MAPK9: variants seen among roughly 807,000 people sequenced by gnomAD.
MAPK9 encodes the protein mitogen-activated protein kinase 9, also known as Jun kinase.
MAPK9 carries 30 observed loss-of-function variants against 57.1 expected under a neutral mutation model. The ratio of observed to expected loss-of-function variants is 0.53; its 90% CI spans 0.39 to 0.71. MAPK9 has a LOEUF of 0.71. Ranked by LOEUF, MAPK9 falls within the 30% of genes least tolerant of loss-of-function variation. The probability of loss-of-function intolerance (pLI) is 0.00; values close to 1 mark genes in which losing one functional copy is unlikely to be tolerated. For missense variants in MAPK9, 362 were observed against 521.0 expected (o/e 0.69, Z 2.97); for synonymous variants, 155 against 177.0 (o/e 0.88, Z 0.99).
intron 1 of MAPK9, among the ~76,000 whole-genome samples, chr5:180,282,838 CAGG>C: frequency 6.6e-6 from 1 of 152,306 alleles, no homozygotes; most frequent in South Asian, 2.1e-4. Flanking sequence ...AGCGCACACT[CAGG>C]AGGAGGCCCT....
In MAPK9 at chr5:180,241,030, C is replaced by T. The variant is rs769466526; in HGVS notation, c.996+1G>A. 2.5e-6 allele frequency: 4 copies of T among 1,611,022 alleles called. No homozygotes were observed. Among genetic ancestry groups the T allele is most frequent in the East Asian group, 2.2e-5 (1 of 44,726 alleles). Reference sequence around the variant, plus strand: ...TAAATCTTTTCAAAACAGATACTCACGGCTTCTGCTTCGGCGGGGTCATAC... The same window carrying T: ...TAAATCTTTTCAAAACAGATACTCATGGCTTCTGCTTCGGCGGGGTCATAC... On this transcript the variant is annotated splice_donor_variant, in intron 9 of 11. Coordinates refer to ENST00000452135, the MANE Select transcript of MAPK9 (RefSeq NM_002752.5). LOFTEE classifies it high-confidence loss of function.
intron 2 of MAPK9, among the ~76,000 whole-genome samples, chr5:180,279,152 T>C (rs2127619895): frequency 6.6e-6 from 1 of 152,200 alleles, no homozygotes; most frequent in East Asian, 1.9e-4. Flanking sequence ...AAGACGGGGT[T>C]TCACCATGTT....
chr5:180,240,886 C>CA (rs1199694019), intron 9 of MAPK9, 145 bp downstream of exon 9: 1 of 1,030,834 alleles, frequency 9.7e-7, no homozygotes, highest in African/African-American at 1.6e-5. Context: ...ACCCAGGTCT[C>CA]AGACAACACT....
chr5:180,274,261 A>G (rs1305147861), intron 2 of MAPK9, among the ~76,000 whole-genome samples: 2 of 152,216 alleles, frequency 1.3e-5, no homozygotes, highest in African/African-American at 4.8e-5. Flanking sequence ...ATAAATATGC[A>G]ATTTTGCAGG....
At chr5:180,253,737 G>A (rs961267870) in intron 5 of MAPK9, 1 of 152,336 alleles carries the variant, frequency 6.6e-6, no homozygotes, top group Non-Finnish European at 1.5e-5. Context: ...TGCCTGGTGA[G>A]TTTGCGCTCT....
In MAPK9 at chr5:180,280,497, A is replaced by C; in HGVS notation, c.65T>G (p.Val22Gly). The part of the protein sequence containing the change: ...SVQVADSTFT[V>G]LKRYQQLKPI... ...TTTCAGCTGCTGGTAACGTTTTAGGACAGTGAAGGTTGAGTCTGCCACTTG... is the reference window on the plus strand; with the variant it reads ...TTTCAGCTGCTGGTAACGTTTTAGGCCAGTGAAGGTTGAGTCTGCCACTTG... The change falls in exon 2 of 12, where the codon GTC (valine) becomes GGC (glycine). Residue 22 changes from valine (V) to glycine (G), a missense_variant. Val to Gly is a moderately radical substitution (Grantham distance 109). This residue lies in a region of MAPK9 where 36 missense variants were observed against 38.0 expected (regional missense o/e 0.95). Transcript: ENST00000452135. 1 of 1,614,234 alleles carries C rather than the reference A, an allele frequency of 6.2e-7. No homozygotes were observed. Among genetic ancestry groups the C allele is most frequent in the Non-Finnish European group, 8.5e-7 (1 of 1,180,026 alleles).
In MAPK9 at chr5:180,288,669, G is replaced by A. The variant is rs1021946630; in HGVS notation, c.-48+3179C>T. Reference sequence around the variant, plus strand: ...ACTCAAAGTCCTGATCTTACCCACTGCTCCGAGCTACCCTACCACATTTAT... The same window carrying A: ...ACTCAAAGTCCTGATCTTACCCACTACTCCGAGCTACCCTACCACATTTAT... On this transcript the variant is annotated intron_variant, in intron 1 of 11. Transcript: ENST00000452135. 2.6e-5 allele frequency among the ~76,000 whole-genome samples: 4 copies of A among 152,284 alleles called. No homozygotes were observed. The South Asian group carries it at 8.3e-4, about 32-fold the overall frequency.
In MAPK9 at chr5:180,238,387, T is replaced by A; in HGVS notation, c.1077A>T (p.Glu359Asp). 1 of 1,611,116 alleles carries A rather than the reference T, an allele frequency of 6.2e-7. No homozygotes were observed. ...TGCTTCTTTCTTCCCAATCCATGAC[T>A]TCTTTGTAAATTAGCTCTTTAATAA... is the stretch of plus-strand genomic sequence containing the variant. The part of the protein sequence containing the change: ...IEEWKELIYK[E>D]VMDWEERSKN... The change falls in exon 11 of 12, where the codon GAA (glutamate) becomes GAT (aspartate). Residue 359 changes from glutamate (E) to aspartate (D), a missense_variant. Glu to Asp is a conservative substitution (Grantham distance 45). This residue lies in a region of MAPK9 where 199 missense variants were observed against 251.3 expected (regional missense o/e 0.79). Coordinates refer to ENST00000452135, the MANE Select transcript of MAPK9 (RefSeq NM_002752.5).
At chr5:180,274,551 A>C (rs959428830) in intron 2 of MAPK9, among the ~76,000 whole-genome samples, 1 of 152,184 alleles carries the variant, frequency 6.6e-6, no homozygotes, top group African/African-American at 2.4e-5. Flanking sequence ...AGAGATCAAG[A>C]GATTGGGAAC....
At chr5:180,245,000 T>C (rs1444351761) in intron 7 of MAPK9, among the ~76,000 whole-genome samples, 8 of 152,148 alleles carry the variant, frequency 5.3e-5, no homozygotes, top group Non-Finnish European at 2.9e-5. Flanking sequence ...CACCACACTC[T>C]AGGAGGAGGG....
chr5:180,263,557 T>C (rs1478848731), intron 4 of MAPK9, among the ~76,000 whole-genome samples: 1 of 152,100 alleles, frequency 6.6e-6, no homozygotes, highest in Non-Finnish European at 1.5e-5. Context: ...GTGTTCACCC[T>C]CTTCTCTTCC....
chr5:180,266,658 G>T (rs562614856), intron 3 of MAPK9, among the ~76,000 whole-genome samples: 1 of 151,024 alleles, frequency 6.6e-6, no homozygotes, highest in African/African-American at 2.4e-5. Context: ...TTGTTTTGTT[G>T]CCCAGGTGTG....
intron 3 of MAPK9, among the ~76,000 whole-genome samples, chr5:180,268,683 C>T (rs1378294290): frequency 9.2e-5 from 14 of 152,016 alleles, no homozygotes; most frequent in Admixed American, 4.6e-4. Context: ...AAAAATTAGC[C>T]GGGCGTGGTG....
chr5:180,250,495 C>A (rs1161519282), intron 5 of MAPK9, among the ~76,000 whole-genome samples: 1 of 152,234 alleles, frequency 6.6e-6, no homozygotes, highest in African/African-American at 2.4e-5. Flanking sequence ...GATACTTTAC[C>A]CAGGAAGTTG....
chr5:180,255,341 G>A (rs1323998549), intron 5 of MAPK9, among the ~76,000 whole-genome samples: 2 of 152,038 alleles, frequency 1.3e-5, no homozygotes, highest in African/African-American at 2.4e-5. Flanking sequence ...GCAGATGAAG[G>A]AAACCCCCAC....
chr5:180,285,401 C>G (rs1762646042), intron 1 of MAPK9, among the ~76,000 whole-genome samples: 1 of 152,208 alleles, frequency 6.6e-6, no homozygotes, highest in Non-Finnish European at 1.5e-5. Flanking sequence ...CAGTCCTGCA[C>G]ATTTCACCTT....
intron 5 of MAPK9, among the ~76,000 whole-genome samples, chr5:180,250,472 C>T (rs906290283): frequency 2.0e-5 from 3 of 152,126 alleles, no homozygotes; most frequent in Non-Finnish European, 4.4e-5. Flanking sequence ...ACTGACATGG[C>T]GTAAGGCATG....
At chr5:180,287,585 C>T (rs1762883524) in intron 1 of MAPK9, among the ~76,000 whole-genome samples, 1 of 152,172 alleles carries the variant, frequency 6.6e-6, no homozygotes. Flanking sequence ...CACCTGGGAT[C>T]AGCGGACACA....
intron 2 of MAPK9, among the ~76,000 whole-genome samples, chr5:180,270,447 A>T (rs775566135): frequency 6.6e-6 from 1 of 152,230 alleles, no homozygotes; most frequent in Non-Finnish European, 1.5e-5. Flanking sequence ...TGCAAATTGC[A>T]CCATTTATAT....
Sources: allele counts gnomAD v4.1 joint callset (sites outside exome capture counted in the v4.1 genomes callset), GRCh38; gene constraint gnomAD v4.1.1; regional missense constraint gnomAD v4.1.1; transcripts MANE v1.5; gene names NCBI Gene and HGNC (gene_info 2026-07-23, HGNC 2026-07-21).